BLK: variants seen among roughly 807,000 people sequenced by gnomAD.
BLK encodes BLK proto-oncogene, Src family tyrosine kinase, also known as tyrosine-protein kinase Blk.
In BLK, 64 loss-of-function variants were observed where a neutral mutation model predicts 61.8. The ratio of observed to expected loss-of-function variants is 1.03; its 90% CI spans 0.85 to 1.27. BLK has a LOEUF of 1.27. Ranked by LOEUF, BLK falls within the 50% of genes most tolerant of loss-of-function variation. The pLI is 0.00. For synonymous variants in BLK, 351 were observed against 272.0 expected, an observed-to-expected ratio of 1.29 and a Z score of -2.86; for missense variants, 853 against 660.5, an observed-to-expected ratio of 1.29 and a Z score of -3.19.
At position 11,518,515 on chromosome 8, in the gene BLK, G is replaced by T. The variant is rs557655682; in HGVS notation, c.-2+23924G>T. Among the ~76,000 whole-genome samples the T allele has an allele frequency of 1.2e-4, 18 of 152,122 alleles. No individual in the cohort carries two copies. In the South Asian group the frequency reaches 1.9e-3, roughly 16 times the overall value. The stretch of plus-strand genomic sequence containing the variant: ...CTCTGAAGGTCACTGTCACGCTGTT[G>T]CTGGCATCTCAGCATTTCCATCCAC... On this transcript the variant is annotated intron_variant, in intron 1 of 12. Transcript: ENST00000259089.
At chr8:11,533,967 A>G (rs1460907137) in intron 1 of BLK, among the ~76,000 whole-genome samples, 1 of 152,262 alleles carries the variant, frequency 6.6e-6, no homozygotes, top group African/African-American at 2.4e-5. Flanking sequence ...CTGCCTTTCA[A>G]TCCTTGTCAC....
At chr8:11,528,719 T>G (rs905159060) in intron 1 of BLK, among the ~76,000 whole-genome samples, 2 of 152,202 alleles carry the variant, frequency 1.3e-5, no homozygotes, top group African/African-American at 4.8e-5. Context: ...AAAACATTGG[T>G]GCTCTTATCC....
At position 11,550,595 on chromosome 8, in the gene BLK, C is replaced by T. The variant is rs2255580; in HGVS notation, c.472+333C>T. Among the ~76,000 whole-genome samples, 1,316 of 152,364 alleles carry T rather than the reference C, an allele frequency of 8.6e-3. 23 individuals carry two copies. Among genetic ancestry groups the T allele is most frequent in the African/African-American group, 0.028 (1,178 of 41,586 alleles). ...GAACCCTGAGCCCTTAACCACCAGC[C>T]TCTTTGGAATCAAGGATTAGGGGGA... On this transcript the variant is annotated intron_variant, in intron 6 of 12. Coordinates refer to ENST00000259089, the MANE Select transcript of BLK (RefSeq NM_001715.3).
At chr8:11,509,018 A>G (rs1798890185) in intron 1 of BLK, 1 of 152,200 alleles carries the variant, frequency 6.6e-6, no homozygotes, top group Non-Finnish European at 1.5e-5. Context: ...GGGAGCAAGC[A>G]GGCCATGAGC....
chr8:11,533,838 T>C (rs893618557), intron 1 of BLK, among the ~76,000 whole-genome samples: 1 of 152,196 alleles, frequency 6.6e-6, no homozygotes, highest in Non-Finnish European at 1.5e-5. Flanking sequence ...ATGTAAGAAA[T>C]GTTTGTATGG....
intron 1 of BLK, among the ~76,000 whole-genome samples, chr8:11,522,285 A>C (rs1210397567): frequency 1.3e-5 from 2 of 152,220 alleles, no homozygotes; most frequent in African/African-American, 2.4e-5. Flanking sequence ...CTCAAATATA[A>C]TCAAGGGAAA....
At chr8:11,533,357 C>T (rs554106649) in intron 1 of BLK, among the ~76,000 whole-genome samples, 7 of 152,218 alleles carry the variant, frequency 4.6e-5, no homozygotes, top group East Asian at 1.9e-4. Flanking sequence ...TCTCACTGCA[C>T]GCTCCCTTCT....
At chr8:11,512,389 C>A (rs1365091166) in intron 1 of BLK, among the ~76,000 whole-genome samples, 1 of 152,192 alleles carries the variant, frequency 6.6e-6, no homozygotes, top group Non-Finnish European at 1.5e-5. Flanking sequence ...TCCTAAACCC[C>A]ACCCTGAAAT....
intron 1 of BLK, among the ~76,000 whole-genome samples, chr8:11,524,789 A>T (rs947739832): frequency 3.3e-5 from 5 of 152,190 alleles, no homozygotes; most frequent in Admixed American, 3.3e-4. Flanking sequence ...TCACGATCAG[A>T]TGCTGACAGC....
At chr8:11,514,790 G>A (rs1301348846) in intron 1 of BLK, among the ~76,000 whole-genome samples, 4 of 152,130 alleles carry the variant, frequency 2.6e-5, no homozygotes, top group Non-Finnish European at 4.4e-5. Context: ...GGGGGTGAGA[G>A]GTAAAAAATA....
chr8:11,497,284 C>A (rs1438921028), intron 1 of BLK, among the ~76,000 whole-genome samples: 1 of 152,130 alleles, frequency 6.6e-6, no homozygotes, highest in East Asian at 1.9e-4. Flanking sequence ...ATCTGCTACC[C>A]CACTGCCAGC....
intron 1 of BLK, among the ~76,000 whole-genome samples, chr8:11,535,873 T>A (rs1800113849): frequency 6.6e-6 from 1 of 152,200 alleles, no homozygotes; most frequent in Non-Finnish European, 1.5e-5. Context: ...GAGCAAGTGA[T>A]GAACCATCAC....
In BLK at chr8:11,554,861, G is replaced by A. The variant is rs140834602; in HGVS notation, c.591G>A (p.Ser197=). The A allele has an allele frequency of 5.0e-6, 8 of 1,613,554 alleles. No individual in the cohort carries two copies. Among genetic ancestry groups the A allele is most frequent in the African/African-American group, 2.7e-5 (2 of 74,878 alleles). ...YYISPRITFP[S]LQALVQHYSK... is the part of the protein sequence containing the mutation. The stretch of plus-strand genomic sequence containing the variant: ...TCTCCCCCCGGATCACCTTCCCCTC[G>A]CTCCAGGCCCTGGTGCAGCACTATT... The change falls in exon 7 of 13, where the codon TCG becomes TCA. Residue 197 remains serine, a synonymous_variant. Coordinates refer to ENST00000259089, the MANE Select transcript of BLK (RefSeq NM_001715.3).
At chr8:11,556,373 G>A in intron 8 of BLK, 1 of 474,876 alleles carries the variant, frequency 2.1e-6, no homozygotes, top group East Asian at 4.1e-5. Flanking sequence ...GTGGGGGAAG[G>A]ACACAGGTTC....
intron 2 of BLK, chr8:11,545,753 G>A (rs1800604774): frequency 2.1e-6 from 1 of 467,904 alleles, no homozygotes; most frequent in Non-Finnish European, 3.9e-6. Context: ...TAATGGTAGA[G>A]CCAGGATGTT....
chr8:11,496,551 A>T (rs1436031791), intron 1 of BLK, among the ~76,000 whole-genome samples: 1 of 152,110 alleles, frequency 6.6e-6, no homozygotes, highest in African/African-American at 2.4e-5. Flanking sequence ...CCCAGCATGC[A>T]TTTTTGAGCC....
At chr8:11,520,790 A>T (rs529529253) in intron 1 of BLK, among the ~76,000 whole-genome samples, 1 of 152,330 alleles carries the variant, frequency 6.6e-6, no homozygotes, top group Non-Finnish European at 1.5e-5. Context: ...CTTTCAGGGA[A>T]ATCTAAGACA....
chr8:11,531,340 T>A (rs1173023559), intron 1 of BLK, among the ~76,000 whole-genome samples: 4 of 152,230 alleles, frequency 2.6e-5, no homozygotes, highest in Non-Finnish European at 5.9e-5. Context: ...TTTTCTTGTA[T>A]ACTTTATGAT....
intron 1 of BLK, among the ~76,000 whole-genome samples, chr8:11,527,610 A>C (rs563873656): frequency 6.6e-6 from 1 of 152,004 alleles, no homozygotes; most frequent in African/African-American, 2.4e-5. Flanking sequence ...TGGGCAGGGT[A>C]ATAGATAATG....
Sources: gnomAD v4.1 joint callset for allele counts (sites outside exome capture counted in the v4.1 genomes callset) on GRCh38, gnomAD v4.1.1 for gene constraint, MANE v1.5 for transcripts, NCBI Gene and HGNC (gene_info 2026-07-23, HGNC 2026-07-21) for gene names.